The following UGGT1 variants were observed in gnomAD, a reference collection of about 807,000 sequenced individuals.
UGGT1 encodes the protein UDP-glucose glycoprotein glucosyltransferase 1.
A neutral mutation model predicts 203.9 loss-of-function variants in UGGT1; 107 were observed. The ratio of observed to expected loss-of-function variants is 0.52; its 90% CI spans 0.45 to 0.62. The LOEUF is 0.62. UGGT1 is among the 20% of genes least tolerant of loss of function. The probability of loss-of-function intolerance (pLI) is 0.00; values close to 1 mark genes in which losing one functional copy is unlikely to be tolerated. For synonymous variants in UGGT1, 628 were observed against 653.5 expected (o/e 0.96, Z 0.59); for missense variants, 1,673 against 1,867.2 (o/e 0.90, Z 1.92).
intron 1 of UGGT1, among the ~76,000 whole-genome samples, chr2:128,094,224 A>C (rs1207508823): frequency 6.6e-6 from 1 of 152,150 alleles, no homozygotes; most frequent in East Asian, 1.9e-4. Flanking sequence ...CGCTGTCTCC[A>C]GTTTATAAAC....
At chr2:128,172,485 T>G in intron 28 of UGGT1, 88 bp from the exon 29 acceptor site, 1 of 1,427,912 alleles carries the variant, frequency 7.0e-7, no homozygotes, top group Non-Finnish European at 9.7e-7. Context: ...CTAATTTGTT[T>G]TAACCAGTTG....
At chr2:128,099,662 C>T (rs1389781041) in intron 2 of UGGT1, among the ~76,000 whole-genome samples, 4 of 152,144 alleles carry the variant, frequency 2.6e-5, no homozygotes, top group Non-Finnish European at 5.9e-5. Context: ...CCTTCCATCG[C>T]CTCTCTCTGC....
chr2:128,164,691 T>G (rs1405871879), intron 25 of UGGT1, 39 bp from the exon 26 acceptor site: 2 of 1,564,174 alleles, frequency 1.3e-6, no homozygotes, highest in Non-Finnish European at 1.8e-6. Flanking sequence ...AAACTTTCAG[T>G]TAAAAAGATG....
At position 128,192,074 on chromosome 2, in the gene UGGT1, A is replaced by C. The variant is rs1297342188; in HGVS notation, c.*2332A>C. ...GCACCTTTCCCCATGTCTTTCTACC[A>C]AGCCTCTTATGTTTAATCTGTGCAG... On this transcript the variant is annotated 3_prime_UTR_variant, in exon 41 of 41. Coordinates refer to ENST00000259253, the MANE Select transcript of UGGT1 (RefSeq NM_020120.4). 4 of 152,174 alleles carry C rather than the reference A, an allele frequency of 2.6e-5. No homozygotes were observed. The highest frequency in any genetic ancestry group is 4.8e-5 in the African/African-American group (2 of 41,404). The allele number at this position is 152,174 out of a possible 1,614,324, so 9.4% of individuals were successfully genotyped here.
intron 18 of UGGT1, 101 bp downstream of exon 18, chr2:128,146,068 G>C (rs1689676510): frequency 7.1e-7 from 1 of 1,404,260 alleles, no homozygotes; most frequent in Non-Finnish European, 9.8e-7. Flanking sequence ...CACTATTTGG[G>C]AGGCTGAGGC....
intron 8 of UGGT1, among the ~76,000 whole-genome samples, chr2:128,117,840 T>C (rs970868716): frequency 6.6e-6 from 1 of 152,096 alleles, no homozygotes; most frequent in Non-Finnish European, 1.5e-5. Flanking sequence ...TGAGCCACCG[T>C]GCCTGGCCTG....
Position 128,164,742 on chromosome 2 carries a change from G to C in UGGT1, c.2838G>C (p.Leu946Phe). 6.2e-7 allele frequency: 1 copy of C among 1,613,874 alleles called. No homozygotes were observed. The highest frequency in any genetic ancestry group is 1.3e-5 in the African/African-American group (1 of 75,002). ...LRVEEDVASDLVMKVDALLSA... is the reference protein window; with the variant it reads ...LRVEEDVASDFVMKVDALLSA... Reference sequence around the variant, plus strand: ...CCCCTTCTTTCAGGGCAAGCGACTTGGTAATGAAGGTGGATGCTCTTCTGT... The same window carrying C: ...CCCCTTCTTTCAGGGCAAGCGACTTCGTAATGAAGGTGGATGCTCTTCTGT... Residue 946 changes from leucine (L) to phenylalanine (F), a missense_variant, in exon 26 of 41, where the codon TTG (leucine) becomes TTC (phenylalanine). Coordinates refer to ENST00000259253, the MANE Select transcript of UGGT1 (RefSeq NM_020120.4).
intron 32 of UGGT1, 112 bp downstream of exon 32, chr2:128,177,010 G>A: frequency 9.7e-7 from 1 of 1,035,296 alleles, no homozygotes; most frequent in Non-Finnish European, 1.4e-6. Flanking sequence ...CAATTATAGG[G>A]ATACTGCTTT....
At chr2:128,183,391 T>C (rs1251646242) in intron 37 of UGGT1, among the ~76,000 whole-genome samples, 1 of 152,266 alleles carries the variant, frequency 6.6e-6, no homozygotes, top group African/African-American at 2.4e-5. Flanking sequence ...TCAGTTACTA[T>C]GGCTTTTGTT....
chr2:128,119,673 GT>G (rs1035966153), intron 8 of UGGT1, among the ~76,000 whole-genome samples: 2 of 152,136 alleles, frequency 1.3e-5, no homozygotes, highest in East Asian at 3.8e-4. Context: ...ACTGGCAGCA[GT>G]TTTTTTCCCT....
In UGGT1 at chr2:128,179,879, C is replaced by T. The variant is rs1279565249; in HGVS notation, c.3900+9C>T. ...TGTCCCCCACATTTAAGGTTTGTTT[C>T]ACAGAGAAAGGGAAAACATTCTTAT... On this transcript the variant is annotated intron_variant, in intron 35 of 40. Transcript: ENST00000259253. 7.5e-6 allele frequency: 12 copies of T among 1,606,992 alleles called. No homozygotes were observed. The highest frequency in any genetic ancestry group is 1.0e-5 in the Non-Finnish European group (12 of 1,174,388).
At chr2:128,188,573 A>G (rs369939789) in intron 40 of UGGT1, among the ~76,000 whole-genome samples, 2 of 152,356 alleles carry the variant, frequency 1.3e-5, no homozygotes, top group South Asian at 2.1e-4. Flanking sequence ...ATAATTGTAC[A>G]TATTTGTGGA....
intron 15 of UGGT1, among the ~76,000 whole-genome samples, chr2:128,135,390 G>A (rs1166235516): frequency 6.6e-6 from 1 of 152,168 alleles, no homozygotes; most frequent in Non-Finnish European, 1.5e-5. Flanking sequence ...TGCCAAACCT[G>A]CCTACAGGGT....
chr2:128,131,535 C>CT (rs907491336), intron 13 of UGGT1, among the ~76,000 whole-genome samples: 57 of 152,192 alleles, frequency 3.7e-4, no homozygotes, highest in Admixed American at 1.3e-3. Context: ...TAATTAGGCT[C>CT]TTTTTTCCTC....
intron 1 of UGGT1, among the ~76,000 whole-genome samples, chr2:128,094,736 C>CTTTTTTTTT (rs70988604): frequency 1.2e-4 from 10 of 84,632 alleles, no homozygotes; most frequent in African/African-American, 5.1e-4. Flanking sequence ...TAAGAGAATG[C>CTTTTTTTTT]TTTTTTTTTT....
Position 128,114,995 on chromosome 2 carries a change from T to G in UGGT1, c.697-129T>G, listed in dbSNP as rs186976153. 1.9e-4 allele frequency: 152 copies of G among 791,312 alleles called. No individual in the cohort carries two copies. The African/African-American group carries it at 2.5e-3, about 13-fold the overall frequency. The allele number at this position is 791,312 out of a possible 1,614,324, so 49.0% of individuals were successfully genotyped here. A position where few individuals can be genotyped will look rare whatever the true frequency, so the allele number is the denominator to read the frequency against. ...TATAGTTAATATCGTTAAAAAACAATTTAAAGATATTTTGAGGGCATAATC... is the reference window on the plus strand; with the variant it reads ...TATAGTTAATATCGTTAAAAAACAAGTTAAAGATATTTTGAGGGCATAATC... On this transcript the variant is annotated intron_variant, in intron 6 of 40. Coordinates refer to ENST00000259253, the MANE Select transcript of UGGT1 (RefSeq NM_020120.4).
rs1476703660 is a variant in UGGT1 at position 128,112,622 on chromosome 2, AC to A, written c.522-459del. 9.7e-5 allele frequency among the ~76,000 whole-genome samples: 14 copies of A among 144,864 alleles called. No homozygotes were observed. The South Asian group carries it at 3.1e-3, about 32-fold the overall frequency. Reference sequence around the variant, plus strand: ...TTTTGAGACAGGGTCCCGTTCTGTCACCCAGGGTGGAGTCCAGTGGAATGAT... The same window carrying A: ...TTTTGAGACAGGGTCCCGTTCTGTCACCAGGGTGGAGTCCAGTGGAATGAT... On this transcript the variant is annotated intron_variant, in intron 5 of 40. Transcript: ENST00000259253.
chr2:128,134,776 A>G (rs1398955013), intron 14 of UGGT1, 100 bp from the exon 15 acceptor site: 1 of 982,140 alleles, frequency 1.0e-6, no homozygotes, highest in Admixed American at 2.0e-5. Context: ...CGTAGCTCGA[A>G]AAAGGTTGGC....
In UGGT1 at chr2:128,113,275, T is replaced by G; in HGVS notation, c.696+17T>G. 6.4e-7 allele frequency: 1 copy of G among 1,555,182 alleles called. No individual in the cohort carries two copies. ...TATATATTTGTAAGTATTGACTTATTTTACACCTGTTTTGAATGTAATTTG... is the reference window on the plus strand; with the variant it reads ...TATATATTTGTAAGTATTGACTTATGTTACACCTGTTTTGAATGTAATTTG... On this transcript the variant is annotated intron_variant, in intron 6 of 40. Coordinates refer to ENST00000259253, the MANE Select transcript of UGGT1 (RefSeq NM_020120.4).
Sources: allele counts gnomAD v4.1 joint callset (sites outside exome capture counted in the v4.1 genomes callset), GRCh38; gene constraint gnomAD v4.1.1; transcripts MANE v1.5; gene names NCBI Gene and HGNC (gene_info 2026-07-23, HGNC 2026-07-21).